The following PARK7 variants were observed in gnomAD, a reference collection of about 807,000 sequenced individuals.
PARK7 encodes the protein Parkinsonism associated deglycase, also known as Parkinson disease protein 7.
A neutral mutation model predicts 20.5 loss-of-function variants in PARK7; 14 were observed. The ratio of observed to expected loss-of-function variants is 0.68; its 90% CI spans 0.45 to 1.07. PARK7 has a LOEUF of 1.07. Among genes scored for constraint, PARK7 ranks in the 50% least tolerant of loss-of-function variants. The pLI is 0.00. For missense variants in PARK7, 234 were observed against 238.1 expected (o/e 0.98, Z 0.11); for synonymous variants, 98 against 84.3 (o/e 1.16, Z -0.89).
Position 7,980,816 on chromosome 1 carries a change from A to G in PARK7, c.409+3078A>G, listed in dbSNP as rs117352634. On this transcript the variant is annotated intron_variant, in intron 6 of 6. Coordinates refer to ENST00000338639, the MANE Select transcript of PARK7 (RefSeq NM_007262.5). ...ACTGTGAACTTGAAAGATCAGTGTG[A>G]CAGTTTCTTCTCAGATAAGCAATCC... Among the ~76,000 whole-genome samples the G allele has an allele frequency of 4.5e-4, 69 of 152,244 alleles. 2 individuals carry two copies. The East Asian group carries it at 0.011, about 25-fold the overall frequency.
At chr1:7,965,303 A>T in intron 2 of PARK7, 21 bp from the exon 3 acceptor site, 1 of 1,598,646 alleles carries the variant, frequency 6.3e-7, no homozygotes, top group South Asian at 1.1e-5. Context: ...GTTCTTAAAT[A>T]TGATAACATC....
At chr1:7,967,889 T>C (rs917068749) in intron 3 of PARK7, among the ~76,000 whole-genome samples, 2 of 152,210 alleles carry the variant, frequency 1.3e-5, no homozygotes, top group Admixed American at 1.3e-4. Context: ...CACTGCACTC[T>C]AGCCTGGGTG....
At chr1:7,974,556 G>T (rs1173882312) in intron 5 of PARK7, among the ~76,000 whole-genome samples, 1 of 151,870 alleles carries the variant, frequency 6.6e-6, no homozygotes, top group Non-Finnish European at 1.5e-5. Context: ...GTGAACCTGG[G>T]GGGCAGAGCT....
intron 3 of PARK7, among the ~76,000 whole-genome samples, chr1:7,967,403 C>T (rs187894749): frequency 6.6e-6 from 1 of 152,272 alleles, no homozygotes; most frequent in East Asian, 1.9e-4. Context: ...CTTCAGTATA[C>T]TGATTTCCTT....
intron 3 of PARK7, among the ~76,000 whole-genome samples, chr1:7,968,451 C>T (rs769012054): frequency 2.6e-5 from 4 of 151,952 alleles, no homozygotes; most frequent in South Asian, 2.1e-4. Context: ...ATTCTCCCCC[C>T]GTTACATTTT....
chr1:7,982,907 GAA>G (rs1640740703), intron 6 of PARK7: 1 of 152,220 alleles, frequency 6.6e-6, no homozygotes, highest in Non-Finnish European at 1.5e-5. Flanking sequence ...ACAGTAGTGA[GAA>G]GAGGAGAAAG....
chr1:7,964,182 A>C (rs966888870), intron 2 of PARK7, among the ~76,000 whole-genome samples: 1 of 152,082 alleles, frequency 6.6e-6, no homozygotes, highest in Admixed American at 6.6e-5. Context: ...ATCTCTCTCT[A>C]TCTAAAAATA....
At chr1:7,973,907 CAA>C (rs781083944) in intron 5 of PARK7, among the ~76,000 whole-genome samples, 44 of 74,290 alleles carry the variant, frequency 5.9e-4, no homozygotes, top group Admixed American at 8.0e-4. Flanking sequence ...GACTTCGTTT[CAA>C]AAAAAAAAAA....
At chr1:7,974,327 TA>T (rs199679855) in intron 5 of PARK7, among the ~76,000 whole-genome samples, 72 of 145,394 alleles carry the variant, frequency 5.0e-4, no homozygotes, top group African/African-American at 1.3e-3. Context: ...CTTGGTCTCT[TA>T]AAAAAAAAAA....
chr1:7,965,275 C>G (rs934959038), intron 2 of PARK7, 49 bp from the exon 3 acceptor site: 10 of 1,526,398 alleles, frequency 6.6e-6, no homozygotes, highest in Non-Finnish European at 9.1e-6. Context: ...CAGTGTTACT[C>G]TGAATTTATG....
intron 6 of PARK7, among the ~76,000 whole-genome samples, chr1:7,978,053 A>G (rs537776349): frequency 1.9e-5 from 2 of 107,484 alleles, no homozygotes; most frequent in Non-Finnish European, 3.5e-5. Flanking sequence ...CTGGAGTGCC[A>G]TGGTGCGTTC....
chr1:7,977,669 G>T lies in PARK7; in HGVS notation c.340G>T (p.Ala114Ser), dbSNP rs1640613257. The part of the protein sequence containing the change: ...AICAGPTALL[A>S]HEIGFGSKVT... ...ATTCTTAGGTCCTACTGCTCTGTTG[G>T]CTCATGAAATAGGTTTTGGAAGTAA... The change falls in exon 6 of 7, where the codon GCT becomes TCT. Residue 114 changes from alanine (A) to serine (S), a missense_variant. Ala to Ser is a moderately conservative substitution (Grantham distance 99, BLOSUM62 1). Coordinates refer to ENST00000338639, the MANE Select transcript of PARK7 (RefSeq NM_007262.5). 1 of 1,613,802 alleles carries T rather than the reference G, an allele frequency of 6.2e-7. No individual in the cohort carries two copies.
Position 7,969,097 on chromosome 1 carries a change from A to G in PARK7, c.193-248A>G. The G allele has an allele frequency of 1.8e-5, 8 of 454,808 alleles. No homozygotes were observed. The South Asian group carries it at 2.0e-4, about 11-fold the overall frequency. 28.2% of individuals were successfully genotyped at this position (454,808 alleles called of 1,614,324 possible). ...TTGTCTTTTACAGGAAGGAGATTAT[A>G]CTACCCCTGCTACTCTGCAGCGTGG... On this transcript the variant is annotated intron_variant, in intron 3 of 6. Transcript: ENST00000338639.
intron 2 of PARK7, among the ~76,000 whole-genome samples, chr1:7,964,896 AT>A (rs1324463266): frequency 6.6e-6 from 1 of 152,232 alleles, no homozygotes; most frequent in African/African-American, 2.4e-5. Context: ...AAACCAGAAC[AT>A]TTGTGGGAGA....
chr1:7,973,759 T>G (rs1251205840), intron 5 of PARK7, among the ~76,000 whole-genome samples: 1 of 151,548 alleles, frequency 6.6e-6, no homozygotes. Flanking sequence ...ATAACAAAAA[T>G]TAGCAGGGCA....
rs1640613078 is a variant in PARK7 at position 7,977,662 on chromosome 1, T to C, written c.333T>C (p.Ala111=). 3 of 1,613,894 alleles carry C rather than the reference T, an allele frequency of 1.9e-6. No individual in the cohort carries two copies. The highest frequency in any genetic ancestry group is 2.5e-6 in the Non-Finnish European group (3 of 1,179,794). ...LIAAICAGPT[A]LLAHEIGFGS... is the part of the protein sequence containing the mutation. ...TATTTTTATTCTTAGGTCCTACTGC[T>C]CTGTTGGCTCATGAAATAGGTTTTG... The change falls in exon 6 of 7, where the codon GCT becomes GCC. Residue 111 remains alanine, a synonymous_variant. Transcript: ENST00000338639.
chr1:7,967,198 TTAATA>T (rs1640348375), intron 3 of PARK7, among the ~76,000 whole-genome samples: 1 of 152,244 alleles, frequency 6.6e-6, no homozygotes, highest in Non-Finnish European at 1.5e-5. Context: ...CTTCTTTCAC[TTAATA>T]TAATGTTCTC....
intron 3 of PARK7, among the ~76,000 whole-genome samples, chr1:7,967,831 A>G (rs1640360239): frequency 6.6e-6 from 1 of 151,964 alleles, no homozygotes; most frequent in South Asian, 2.1e-4. Context: ...GAAGTGGGAG[A>G]GTTGCTTGAG....
intron 5 of PARK7, among the ~76,000 whole-genome samples, chr1:7,974,502 G>T (rs1273159570): frequency 6.6e-6 from 1 of 151,504 alleles, no homozygotes; most frequent in African/African-American, 2.4e-5. Context: ...GGTGGCGGGT[G>T]CCTGTAGTCC....
Sources: allele counts gnomAD v4.1 joint callset (sites outside exome capture counted in the v4.1 genomes callset), GRCh38; gene constraint gnomAD v4.1.1; transcripts MANE v1.5; gene names NCBI Gene and HGNC (gene_info 2026-07-23, HGNC 2026-07-21).